GRID2: variants seen among roughly 807,000 people sequenced by gnomAD.
The protein encoded by GRID2 is glutamate receptor ionotropic, delta-2.
In GRID2, 33 loss-of-function variants were observed where a neutral mutation model predicts 114.8. That is an observed-to-expected ratio of 0.29 (90% CI 0.22 to 0.38). The LOEUF is 0.38. Among genes scored for constraint, GRID2 ranks in the 10% least tolerant of loss-of-function variants. GRID2 has a pLI of 1.00. For synonymous variants in GRID2, 505 were observed against 449.9 expected, an observed-to-expected ratio of 1.12 and a Z score of -1.55; for missense variants, 1,184 against 1,257.7, an observed-to-expected ratio of 0.94 and a Z score of 0.89.
chr4:92,725,645 C>T (rs201096252), intron 2 of GRID2, among the ~76,000 whole-genome samples: 6 of 152,046 alleles, frequency 3.9e-5, no homozygotes, highest in Non-Finnish European at 5.9e-5. Flanking sequence ...ATGTTCGTAT[C>T]GTCTAAGGTG....
At chr4:93,480,275 CA>C (rs1725720906) in intron 11 of GRID2, among the ~76,000 whole-genome samples, 1 of 151,820 alleles carries the variant, frequency 6.6e-6, no homozygotes, top group African/African-American at 2.4e-5. Flanking sequence ...TTAAAAATGC[CA>C]AAAAAGGACA....
At chr4:93,042,287 C>G in intron 2 of GRID2, among the ~76,000 whole-genome samples, 1 of 84,134 alleles carries the variant, frequency 1.2e-5, no homozygotes, top group Non-Finnish European at 2.4e-5. Flanking sequence ...CTCTCTCTCT[C>G]TCTCTCTCTC....
chr4:92,503,344 A>C (rs889982854), intron 1 of GRID2, among the ~76,000 whole-genome samples: 1 of 152,082 alleles, frequency 6.6e-6, no homozygotes, highest in African/African-American at 2.4e-5. Flanking sequence ...TTTTAGAATT[A>C]AGTTATCAAG....
chr4:93,099,641 G>T (rs532452313), intron 3 of GRID2, among the ~76,000 whole-genome samples: 8 of 151,848 alleles, frequency 5.3e-5, no homozygotes, highest in African/African-American at 1.9e-4. Context: ...GAATCAGAGG[G>T]TTATTTATGG....
At chr4:92,421,882 G>T (rs1731926867) in intron 1 of GRID2, among the ~76,000 whole-genome samples, 1 of 152,046 alleles carries the variant, frequency 6.6e-6, no homozygotes, top group Non-Finnish European at 1.5e-5. Context: ...GGGATGCTTG[G>T]GATTCAGTGG....
intron 14 of GRID2, among the ~76,000 whole-genome samples, chr4:93,713,590 A>G (rs1224902379): frequency 6.6e-6 from 1 of 150,946 alleles, no homozygotes; most frequent in Non-Finnish European, 1.5e-5. Flanking sequence ...GTACATTACA[A>G]AAAAAAAAGA....
intron 2 of GRID2, among the ~76,000 whole-genome samples, chr4:93,003,741 A>T (rs942641147): frequency 6.6e-6 from 1 of 151,936 alleles, no homozygotes; most frequent in African/African-American, 2.4e-5. Flanking sequence ...GTGCATCAGA[A>T]ATCTCCAGGA....
intron 1 of GRID2, among the ~76,000 whole-genome samples, chr4:92,442,297 A>G (rs376050828): frequency 1.2e-3 from 189 of 151,988 alleles, no homozygotes; most frequent in African/African-American, 3.6e-3. Flanking sequence ...AGGGGCTCTG[A>G]GAGTGGCTCC....
At chr4:93,393,567 G>A (rs559995776) in intron 8 of GRID2, among the ~76,000 whole-genome samples, 2 of 152,002 alleles carry the variant, frequency 1.3e-5, no homozygotes, top group South Asian at 2.1e-4. Flanking sequence ...CTTTTTTGCT[G>A]TCATTGTTTG....
intron 2 of GRID2, among the ~76,000 whole-genome samples, chr4:92,596,861 T>C (rs887346250): frequency 1.3e-5 from 2 of 151,990 alleles, no homozygotes; most frequent in Admixed American, 1.3e-4. Flanking sequence ...CCAGCTACAA[T>C]GGGAGATAAC....
chr4:93,412,626 A>T (rs116257299), intron 9 of GRID2, among the ~76,000 whole-genome samples: 6,306 of 152,112 alleles, frequency 0.041, 203 homozygotes, highest in South Asian at 0.084. Context: ...ACATGTGTAG[A>T]ATGCGCAGGT....
intron 1 of GRID2, among the ~76,000 whole-genome samples, chr4:92,377,060 G>C (rs558783263): frequency 2.0e-5 from 3 of 152,194 alleles, no homozygotes; most frequent in African/African-American, 7.2e-5. Context: ...GCAAATTTCT[G>C]CAGCCTGCTT....
chr4:93,785,579 C>T (rs1734574815), intron 1 of GRID2, among the ~76,000 whole-genome samples: 1 of 152,144 alleles, frequency 6.6e-6, no homozygotes, highest in South Asian at 2.1e-4. Flanking sequence ...AGGTATGGAG[C>T]AGGCCTTGTA....
intron 2 of GRID2, among the ~76,000 whole-genome samples, chr4:93,022,947 T>C (rs1447000590): frequency 6.6e-6 from 1 of 152,050 alleles, no homozygotes; most frequent in Non-Finnish European, 1.5e-5. Context: ...TATTCAATAC[T>C]CTTGTTATTA....
At chr4:93,651,948 G>A (rs927960227) in intron 14 of GRID2, among the ~76,000 whole-genome samples, 5 of 152,052 alleles carry the variant, frequency 3.3e-5, no homozygotes, top group Non-Finnish European at 7.4e-5. Flanking sequence ...AGGTGTTTTG[G>A]GACCACAGGG....
At chr4:92,579,301 C>A (rs549147859) in intron 1 of GRID2, among the ~76,000 whole-genome samples, 1 of 152,124 alleles carries the variant, frequency 6.6e-6, no homozygotes, top group Non-Finnish European at 1.5e-5. Flanking sequence ...ACTCTATCAT[C>A]GCTTTTAACA....
In GRID2 at chr4:93,046,948, A is replaced by T. The variant is rs921995473; in HGVS notation, c.245-38047A>T. Among the ~76,000 whole-genome samples the T allele has an allele frequency of 2.0e-5, 3 of 151,982 alleles. No individual in the cohort carries two copies. In the East Asian group the frequency reaches 5.8e-4, roughly 29 times the overall value. On this transcript the variant is annotated intron_variant, in intron 2 of 15. Transcript: ENST00000282020. ...CTATCTCAAAGAAAAGGGGCACTTGACATCAGCCATGTAATCAATGTGGAC... is the reference window on the plus strand; with the variant it reads ...CTATCTCAAAGAAAAGGGGCACTTGTCATCAGCCATGTAATCAATGTGGAC...
chr4:92,632,573 A>C (rs1294578419), intron 2 of GRID2, among the ~76,000 whole-genome samples: 1 of 152,098 alleles, frequency 6.6e-6, no homozygotes, highest in Non-Finnish European at 1.5e-5. Flanking sequence ...CGGAGTTTGT[A>C]GTGAGCCGAG....
intron 1 of GRID2, among the ~76,000 whole-genome samples, chr4:92,305,624 C>A (rs1289925550): frequency 1.3e-5 from 2 of 152,060 alleles, no homozygotes; most frequent in Non-Finnish European, 2.9e-5. Context: ...GAAGGACTGC[C>A]GAGCGGGCTC....
Sources: allele counts gnomAD v4.1 joint callset (sites outside exome capture counted in the v4.1 genomes callset), GRCh38; gene constraint gnomAD v4.1.1; transcripts MANE v1.5; gene names NCBI Gene and HGNC (gene_info 2026-07-23, HGNC 2026-07-21).